The following ERO1A variants were observed in gnomAD, a reference collection of about 807,000 sequenced individuals.
ERO1A encodes the protein ERO1-like protein alpha.
A neutral mutation model predicts 76.9 loss-of-function variants in ERO1A; 49 were observed. The observed-to-expected ratio is 0.64, with a 90% CI of 0.51 to 0.81. ERO1A has a LOEUF of 0.81. ERO1A is among the 30% of genes least tolerant of loss of function. ERO1A has a pLI of 0.00. For synonymous variants in ERO1A, 174 were observed against 181.2 expected (o/e 0.96, Z 0.32); for missense variants, 448 against 542.1 (o/e 0.83, Z 1.72).
intron 9 of ERO1A, among the ~76,000 whole-genome samples, chr14:52,659,890 G>A (rs542335246): frequency 1.5e-4 from 23 of 151,404 alleles, no homozygotes; most frequent in Admixed American, 3.3e-4. Flanking sequence ...CTGGAGGGCA[G>A]TGGCTCCATC....
intron 4 of ERO1A, among the ~76,000 whole-genome samples, chr14:52,676,280 C>T (rs1485070059): frequency 3.3e-5 from 5 of 152,120 alleles, no homozygotes; most frequent in Admixed American, 2.6e-4. Context: ...AAAATAACTA[C>T]ACAGTTATCA....
At chr14:52,658,390 T>C (rs10083391) in intron 9 of ERO1A, 84,762 of 417,418 alleles carry the variant, frequency 0.2, 8,941 homozygotes, top group Admixed American at 0.26. Flanking sequence ...GTTGACCCAG[T>C]CTCATAACGT....
chr14:52,640,359 G>T lies in ERO1A; in HGVS notation c.*3211C>A, dbSNP rs1483156829. 6.6e-6 allele frequency: 1 copy of T among 152,246 alleles called. No individual in the cohort carries two copies. Among genetic ancestry groups the T allele is most frequent in the African/African-American group, 2.4e-5 (1 of 41,466 alleles). 9.4% of individuals were successfully genotyped at this position (152,246 alleles called of 1,614,324 possible). ...AGGAATTTTCCAAGTGGGGAAGGATGACTAGCATACTTGATGCAAAGAGTA... is the reference window on the plus strand; with the variant it reads ...AGGAATTTTCCAAGTGGGGAAGGATTACTAGCATACTTGATGCAAAGAGTA... On this transcript the variant is annotated 3_prime_UTR_variant, in exon 16 of 16. Coordinates refer to ENST00000395686, the MANE Select transcript of ERO1A (RefSeq NM_014584.3).
intron 15 of ERO1A, 62 bp from the exon 16 acceptor site, chr14:52,643,692 T>A: frequency 1.2e-6 from 1 of 860,094 alleles, no homozygotes; most frequent in Non-Finnish European, 1.7e-6. Flanking sequence ...GTAAAAGTTA[T>A]TCACTTTGCA....
intron 15 of ERO1A, among the ~76,000 whole-genome samples, chr14:52,644,006 G>A (rs564958816): frequency 5.3e-5 from 8 of 152,230 alleles, no homozygotes; most frequent in Non-Finnish European, 1.0e-4. Flanking sequence ...AGGCATGGCT[G>A]TGTGTGCCAT....
At position 52,646,271 on chromosome 14, in the gene ERO1A, G is replaced by A. The variant is rs1404429846; in HGVS notation, c.1229C>T (p.Thr410Ile). 1 of 1,612,504 alleles carries A rather than the reference G, an allele frequency of 6.2e-7. No individual in the cohort carries two copies. The highest frequency in any genetic ancestry group is 8.5e-7 in the Non-Finnish European group (1 of 1,179,646). ...CTCAGAAAATAAGATCTTCAGAGCA[G>A]TGCCCAAACCCTGAGTCTGTAATAG... is the stretch of plus-strand genomic sequence containing the variant. ...WGKLQTQGLG[T>I]ALKILFSEKL... Residue 410 changes from threonine to isoleucine, a missense_variant, in exon 15 of 16, where the codon ACT becomes ATT. By Grantham distance (89) the Thr-to-Ile change is moderately conservative (BLOSUM62 -1). Transcript: ENST00000395686.
rs2039439460 is a variant in ERO1A, at chr14:52,640,623, G to C, written c.*2947C>G. ...GAGCAACAGAGAGGAGACCAGCTAGGTATAGGAGGCAGGTTAGTACTGTAG... is the reference window on the plus strand; with the variant it reads ...GAGCAACAGAGAGGAGACCAGCTAGCTATAGGAGGCAGGTTAGTACTGTAG... On this transcript the variant is annotated 3_prime_UTR_variant, in exon 16 of 16. Coordinates refer to ENST00000395686, the MANE Select transcript of ERO1A (RefSeq NM_014584.3). 6.6e-6 allele frequency: 1 copy of C among 152,210 alleles called. No individual in the cohort carries two copies. Among genetic ancestry groups the C allele is most frequent in the Non-Finnish European group, 1.5e-5 (1 of 68,068 alleles). The allele number at this position is 152,210 out of a possible 1,614,324, so 9.4% of individuals were successfully genotyped here.
chr14:52,656,711 CAAA>C (rs34369320), intron 11 of ERO1A, among the ~76,000 whole-genome samples: 2,242 of 103,580 alleles, frequency 0.022, 23 homozygotes, highest in African/African-American at 0.038. Context: ...GACTCTGTCT[CAAA>C]AAAAAAAAAA....
intron 1 of ERO1A, among the ~76,000 whole-genome samples, chr14:52,693,917 T>G (rs760666506): frequency 6.6e-6 from 1 of 152,056 alleles, no homozygotes; most frequent in African/African-American, 2.4e-5. Context: ...AATATGAGGG[T>G]ATTGTGAAAG....
At chr14:52,666,824 G>A (rs993196893) in intron 6 of ERO1A, among the ~76,000 whole-genome samples, 2 of 152,120 alleles carry the variant, frequency 1.3e-5, no homozygotes, top group South Asian at 2.1e-4. Flanking sequence ...CCAGCTACTC[G>A]AGAGGCTGCA....
At chr14:52,677,547 C>A (rs996715477) in intron 4 of ERO1A, among the ~76,000 whole-genome samples, 1 of 151,936 alleles carries the variant, frequency 6.6e-6, no homozygotes, top group South Asian at 2.1e-4. Flanking sequence ...GATCCTAGAA[C>A]AGGTAAAGGA....
chr14:52,645,621 T>C lies in ERO1A; in HGVS notation c.1346+533A>G, dbSNP rs116814450. ...GATTATAAAAGTCAATAGAGGAAAA[T>C]AAAGACGATCATGTACTAATTGTAT... On this transcript the variant is annotated intron_variant, in intron 15 of 15. Coordinates refer to ENST00000395686, the MANE Select transcript of ERO1A (RefSeq NM_014584.3). Among the ~76,000 whole-genome samples, 512 of 151,996 alleles carry C rather than the reference T, an allele frequency of 3.4e-3. 2 individuals carry two copies. Among genetic ancestry groups the C allele is most frequent in the African/African-American group, 0.012 (496 of 41,474 alleles).
chr14:52,693,857 A>G (rs1175853495), intron 1 of ERO1A, among the ~76,000 whole-genome samples: 2 of 152,142 alleles, frequency 1.3e-5, no homozygotes, highest in East Asian at 3.8e-4. Context: ...CTCTCGTTCT[A>G]AAAGAAAAAG....
intron 15 of ERO1A, among the ~76,000 whole-genome samples, chr14:52,644,263 G>A (rs535205663): frequency 6.6e-6 from 1 of 152,238 alleles, no homozygotes; most frequent in African/African-American, 2.4e-5. Flanking sequence ...AGACCAGCAA[G>A]GGCAATGTGG....
chr14:52,668,697 T>C (rs2040496694), intron 6 of ERO1A, among the ~76,000 whole-genome samples: 1 of 150,470 alleles, frequency 6.6e-6, no homozygotes, highest in Non-Finnish European at 1.5e-5. Context: ...ATTCTACTTA[T>C]TATAAATACT....
chr14:52,693,784 C>T (rs546064100), intron 1 of ERO1A, among the ~76,000 whole-genome samples: 3 of 152,194 alleles, frequency 2.0e-5, no homozygotes, highest in Non-Finnish European at 4.4e-5. Context: ...AGGCTGGAGC[C>T]ACCACACCCA....
chr14:52,663,967 T>C (rs2040318380), intron 7 of ERO1A, 120 bp from the exon 8 acceptor site: 2 of 560,248 alleles, frequency 3.6e-6, no homozygotes, highest in East Asian at 6.5e-5. Context: ...ATTGAGATTA[T>C]AAAACACTTA....
intron 2 of ERO1A, 114 bp from the exon 3 acceptor site, chr14:52,682,522 T>C (rs2041032576): frequency 1.4e-6 from 1 of 703,530 alleles, no homozygotes; most frequent in African/African-American, 1.8e-5. Context: ...AAATACAGTA[T>C]TTCTTCCACC....
intron 1 of ERO1A, among the ~76,000 whole-genome samples, chr14:52,686,044 C>T (rs1359355053): frequency 1.3e-5 from 2 of 152,116 alleles, no homozygotes; most frequent in African/African-American, 4.8e-5. Context: ...AAGCCCCATC[C>T]CTACCAGAAA....
Sources: allele counts gnomAD v4.1 joint callset (sites outside exome capture counted in the v4.1 genomes callset), GRCh38; gene constraint gnomAD v4.1.1; transcripts MANE v1.5; gene names NCBI Gene and HGNC (gene_info 2026-07-23, HGNC 2026-07-21).